The following SAMD10 variants were observed in gnomAD, a reference collection of about 807,000 sequenced individuals.
SAMD10 encodes the protein sterile alpha motif domain containing 10.
A neutral mutation model predicts 22.5 loss-of-function variants in SAMD10; 16 were observed. That is an observed-to-expected ratio of 0.71 (90% CI 0.48 to 1.08). SAMD10 has a LOEUF of 1.08. Ranked by LOEUF, SAMD10 falls within the 50% of genes least tolerant of loss-of-function variation. The probability of loss-of-function intolerance (pLI) is 0.00; values close to 1 mark genes in which losing one functional copy is unlikely to be tolerated. For synonymous variants in SAMD10, 118 were observed against 122.2 expected (o/e 0.97, Z 0.23); for missense variants, 227 against 281.3 (o/e 0.81, Z 1.38).
At position 63,976,538 on chromosome 20, in the gene SAMD10, G is replaced by A. The variant is rs571997510; in HGVS notation, c.445+433C>T. On this transcript the variant is annotated intron_variant, in intron 3 of 4. Transcript: ENST00000369886. ...AGCACTTTGGGAGGCTGAGGCAGGC[G>A]GATCACCTGAGATCAGGAGTTCGAG... Among the ~76,000 whole-genome samples the A allele has an allele frequency of 4.6e-5, 7 of 151,908 alleles. No individual in the cohort carries two copies. The South Asian group carries it at 1.0e-3, about 23-fold the overall frequency.
chr20:63,976,882 A>G, intron 3 of SAMD10, 89 bp downstream of exon 3: 1 of 1,344,766 alleles, frequency 7.4e-7, no homozygotes. Flanking sequence ...GACGAAAACA[A>G]CAGCAAGAGA....
Position 63,977,232 on chromosome 20 carries a change from G to C in SAMD10, c.266C>G (p.Thr89Ser), listed in dbSNP as rs562174193. 18 of 1,613,536 alleles carry C rather than the reference G, an allele frequency of 1.1e-5. No homozygotes were observed. The South Asian group carries it at 2.0e-4, about 18-fold the overall frequency. The change falls in exon 2 of 5, where the codon ACC (threonine) becomes AGC (serine). Residue 89 changes from threonine to serine, a missense_variant. Thr to Ser is a moderately conservative substitution (Grantham distance 58). Coordinates refer to ENST00000369886, the MANE Select transcript of SAMD10 (RefSeq NM_080621.5). The surrounding 1 kb of genome is among the most constrained non-coding windows in gnomAD (Gnocchi z 5.4). Reference protein sequence around the residue: ...IKLLQQPGTDTPQGRLYSDHY... With the variant: ...IKLLQQPGTDSPQGRLYSDHY... ...GGTGGAGTGGGTGGGTACCTGGGGG[G>C]TGTCTGTGCCGGGCTGCTGCAGGAG...
rs564332207 is a variant in SAMD10, at chr20:63,977,363, C to T, written c.135G>A (p.Thr45=). The change falls in exon 2 of 5, where the codon ACG becomes ACA. Residue 45 remains threonine (T), a synonymous_variant. Coordinates refer to ENST00000369886, the MANE Select transcript of SAMD10 (RefSeq NM_080621.5). This position sits in a 1 kb window ranked among gnomAD's most constrained non-coding sequence, Gnocchi z 5.4. ...FSFCRTLLEH[T]VSAESIPCHL... ...GGCAGGGGATGCTCTCAGCTGACACCGTGTGCTCCAGGAGGGTCCGGCAGA... is the reference window on the plus strand; with the variant it reads ...GGCAGGGGATGCTCTCAGCTGACACTGTGTGCTCCAGGAGGGTCCGGCAGA... 533 of 1,613,306 alleles carry T rather than the reference C, an allele frequency of 3.3e-4. 2 individuals carry two copies. In the South Asian group the frequency reaches 4.9e-3, roughly 15 times the overall value.
At position 63,977,872 on chromosome 20, in the gene SAMD10, G is replaced by T. The variant is rs1363639352; in HGVS notation, c.92-466C>A. 6.6e-6 allele frequency among the ~76,000 whole-genome samples: 1 copy of T among 152,240 alleles called. No homozygotes were observed. The highest frequency in any genetic ancestry group is 2.4e-5 in the African/African-American group (1 of 41,466). ...GGAGGTCGTCTGTGCTGGGGAAACC[G>T]GGCTGAGGATGCTGCTTGCCCATCG... On this transcript the variant is annotated intron_variant, in intron 1 of 4. Transcript: ENST00000369886. This position sits in a 1 kb window ranked among gnomAD's most constrained non-coding sequence, Gnocchi z 5.4.
chr20:63,978,663 G>A lies in SAMD10; in HGVS notation c.91+714C>T, dbSNP rs373942006. Among the ~76,000 whole-genome samples, 11 of 152,318 alleles carry A rather than the reference G, an allele frequency of 7.2e-5. No individual in the cohort carries two copies. In the South Asian group the frequency reaches 8.3e-4, roughly 11 times the overall value. On this transcript the variant is annotated intron_variant, in intron 1 of 4. Coordinates refer to ENST00000369886, the MANE Select transcript of SAMD10 (RefSeq NM_080621.5). The stretch of plus-strand genomic sequence containing the variant: ...CCCATTCTTGCAACTTTCAGGAACC[G>A]GACCCCTGGGTGACTCCAAATTTGA...
chr20:63,978,413 C>T (rs817349), intron 1 of SAMD10: 135,550 of 746,968 alleles, frequency 0.18, 15,337 homozygotes, highest in African/African-American at 0.44. Context: ...TTACAGCACC[C>T]TAGCACCCAG....
rs1363781300 is a variant in SAMD10 at position 63,979,587 on chromosome 20, C to T, written c.-120G>A. ...GCCCCAGCCGGCCCCGCGCCCGAGC[C>T]GGTCCCCGCGGCCCGCGAGTGTGCG... On this transcript the variant is annotated 5_prime_UTR_variant, in exon 1 of 5. Coordinates refer to ENST00000369886, the MANE Select transcript of SAMD10 (RefSeq NM_080621.5). The surrounding 1 kb of genome is among the most constrained non-coding windows in gnomAD (Gnocchi z 7.7). 1 of 983,880 alleles carries T rather than the reference C, an allele frequency of 1.0e-6. No homozygotes were observed. The highest frequency in any genetic ancestry group is 1.2e-6 in the Non-Finnish European group (1 of 829,840). 60.9% of individuals were successfully genotyped at this position (983,880 alleles called of 1,614,324 possible). A position where few individuals can be genotyped will look rare whatever the true frequency, so the allele number is the denominator to read the frequency against.
At chr20:63,976,373 G>GAGAGGCAGAGGGAAAGGAAGGAGAGCA (rs1380505070) in intron 3 of SAMD10, among the ~76,000 whole-genome samples, 4 of 152,068 alleles carry the variant, frequency 2.6e-5, no homozygotes, top group African/African-American at 7.2e-5. Context: ...ACTTAAAGGA[G>GAGAGGCAGAGGGAAAGGAAGGAGAGCA]AGAGGCAGAG....
At position 63,975,202 on chromosome 20, in the gene SAMD10, A is replaced by G. The variant is rs2059013119; in HGVS notation, c.*308T>C. 2.1e-6 allele frequency: 1 copy of G among 476,448 alleles called. No individual in the cohort carries two copies. Among genetic ancestry groups the G allele is most frequent in the Non-Finnish European group, 3.7e-6 (1 of 269,444 alleles). The allele number at this position is 476,448 out of a possible 1,614,324, so 29.5% of individuals were successfully genotyped here. A position where few individuals can be genotyped will look rare whatever the true frequency, so the allele number is the denominator to read the frequency against. On this transcript the variant is annotated 3_prime_UTR_variant, in exon 5 of 5. Coordinates refer to ENST00000369886, the MANE Select transcript of SAMD10 (RefSeq NM_080621.5). ...CCTGGGAGTCTAGGGGGGACATCCA[A>G]ACCGGTTCTGGCTCCAGGCAGCTGC...
chr20:63,978,721 G>T (rs1051650189), intron 1 of SAMD10, among the ~76,000 whole-genome samples: 11 of 152,238 alleles, frequency 7.2e-5, no homozygotes, highest in Non-Finnish European at 1.5e-4. Context: ...TGCTCAGTGG[G>T]CCACCGCCCC....
rs1286037224 is a variant in SAMD10 at position 63,979,333 on chromosome 20, C to T, written c.91+44G>A. 5.2e-6 allele frequency: 7 copies of T among 1,352,410 alleles called. No individual in the cohort carries two copies. The highest frequency in any genetic ancestry group is 3.1e-5 in the East Asian group (1 of 32,204). 83.8% of individuals were successfully genotyped at this position (1,352,410 alleles called of 1,614,324 possible). A position where few individuals can be genotyped will look rare whatever the true frequency, so the allele number is the denominator to read the frequency against. On this transcript the variant is annotated intron_variant, in intron 1 of 4. Coordinates refer to ENST00000369886, the MANE Select transcript of SAMD10 (RefSeq NM_080621.5). This position sits in a 1 kb window ranked among gnomAD's most constrained non-coding sequence, Gnocchi z 7.7. ...CCCCCGTGCCTCTGGGTCCCTGAGACCCCCGCCCGAGAAATCCCCGCTCCC... is the reference window on the plus strand; with the variant it reads ...CCCCCGTGCCTCTGGGTCCCTGAGATCCCCGCCCGAGAAATCCCCGCTCCC...
intron 3 of SAMD10, among the ~76,000 whole-genome samples, chr20:63,976,717 G>A (rs994670605): frequency 8.6e-5 from 11 of 127,814 alleles, no homozygotes; most frequent in African/African-American, 2.4e-4. Context: ...AGCCAAGATC[G>A]CACCATTTCA....
At chr20:63,980,040 T>G (rs1201059897), upstream of SAMD10, 1 of 152,462 alleles carries the variant, frequency 6.6e-6, no homozygotes, top group African/African-American at 2.4e-5. Context: ...CCTGGCTCAG[T>G]GCCCGGGGGA....
intron 1 of SAMD10, among the ~76,000 whole-genome samples, chr20:63,978,873 G>A (rs1206895504): frequency 2.6e-5 from 4 of 152,300 alleles, no homozygotes; most frequent in African/African-American, 9.6e-5. Context: ...GAAACCCGTC[G>A]GACTCCTCAG....
chr20:63,976,975 G>C lies in SAMD10; in HGVS notation c.441C>G (p.Ile147Met). The C allele has an allele frequency of 6.2e-7, 1 of 1,614,090 alleles. No individual in the cohort carries two copies. The highest frequency in any genetic ancestry group is 1.1e-5 in the South Asian group (1 of 91,080). ...GCACCCTCAGCGCCACTGTACCGGT[G>C]ATGGCATGCTGGGAGAAGGCCTCCA... The part of the protein sequence containing the change: ...VYVEAFSQHA[I>M]TGRALLRLNA... Residue 147 changes from isoleucine to methionine, a missense_variant, in exon 3 of 5, where the codon ATC becomes ATG. Transcript: ENST00000369886.
At chr20:63,975,856 A>G (rs1355143887) in intron 3 of SAMD10, 24 bp from the exon 4 acceptor site, 1 of 1,564,588 alleles carries the variant, frequency 6.4e-7, no homozygotes, top group Admixed American at 1.9e-5. Context: ...AGAGGGGCTG[A>G]GCTGAGGCCA....
Position 63,979,011 on chromosome 20 carries a change from G to C in SAMD10, c.91+366C>G, listed in dbSNP as rs1311809024. Among the ~76,000 whole-genome samples, 1 of 152,196 alleles carries C rather than the reference G, an allele frequency of 6.6e-6. No homozygotes were observed. The highest frequency in any genetic ancestry group is 1.5e-5 in the Non-Finnish European group (1 of 68,036). ...CGCCCCAACGTCAGGATTCCAGAAG[G>C]AAATGGGGCGGGGGCACCGAGGCGG... is the stretch of plus-strand genomic sequence containing the variant. On this transcript the variant is annotated intron_variant, in intron 1 of 4. Coordinates refer to ENST00000369886, the MANE Select transcript of SAMD10 (RefSeq NM_080621.5). The surrounding 1 kb of genome is among the most constrained non-coding windows in gnomAD (Gnocchi z 7.7).
rs557833172 is a variant in SAMD10, at chr20:63,979,523, G to T, written c.-56C>A. 1 of 1,096,746 alleles carries T rather than the reference G, an allele frequency of 9.1e-7. No homozygotes were observed. The highest frequency in any genetic ancestry group is 1.1e-6 in the Non-Finnish European group (1 of 902,150). The allele number at this position is 1,096,746 out of a possible 1,614,324, so 67.9% of individuals were successfully genotyped here. ...GCCCCTCGCCGAGTGCAGGGCGGCCGGTGTGGCCGGCGGGGAACGCGCGCC... is the reference window on the plus strand; with the variant it reads ...GCCCCTCGCCGAGTGCAGGGCGGCCTGTGTGGCCGGCGGGGAACGCGCGCC... On this transcript the variant is annotated 5_prime_UTR_variant, in exon 1 of 5. Coordinates refer to ENST00000369886, the MANE Select transcript of SAMD10 (RefSeq NM_080621.5). The surrounding 1 kb of genome is among the most constrained non-coding windows in gnomAD (Gnocchi z 7.7).
intron 3 of SAMD10, among the ~76,000 whole-genome samples, chr20:63,976,357 A>G (rs1367050417): frequency 6.6e-6 from 1 of 152,130 alleles, no homozygotes; most frequent in African/African-American, 2.4e-5. Context: ...AGCAAAACAC[A>G]CAGAGACTTA....
Sources: allele counts gnomAD v4.1 joint callset (sites outside exome capture counted in the v4.1 genomes callset), GRCh38; gene constraint gnomAD v4.1.1; non-coding constraint Gnocchi (gnomAD v3.1); transcripts MANE v1.5; gene names NCBI Gene and HGNC (gene_info 2026-07-23, HGNC 2026-07-21).